Variants in SPECC1 observed in about 807,000 individuals in gnomAD.
SPECC1 encodes sperm antigen with calponin homology and coiled-coil domains 1.
A neutral mutation model predicts 104.1 loss-of-function variants in SPECC1; 62 were observed. That is an observed-to-expected ratio of 0.60 (90% CI 0.49 to 0.74). The LOEUF is 0.74. Among genes scored for constraint, SPECC1 ranks in the 30% least tolerant of loss-of-function variants. SPECC1 has a pLI of 0.00. For missense variants in SPECC1, 1,306 were observed against 1,310.5 expected (o/e 1.00, Z 0.05); for synonymous variants, 513 against 501.6 (o/e 1.02, Z -0.30).
At chr17:20,096,476 A>G (rs1256012859) in intron 1 of SPECC1, among the ~76,000 whole-genome samples, 155 bp from the exon 2 acceptor site, 1 of 152,148 alleles carries the variant, frequency 6.6e-6, no homozygotes, top group Non-Finnish European at 1.5e-5. Flanking sequence ...AAGCCTATAA[A>G]CCCATCTTAG....
chr17:20,090,940 C>T (rs944168363), intron 1 of SPECC1, among the ~76,000 whole-genome samples: 3 of 152,130 alleles, frequency 2.0e-5, no homozygotes, highest in Admixed American at 6.5e-5. Context: ...TATGGGTCTC[C>T]AGATTACACC....
At chr17:20,200,232 C>T (rs1597954358) in intron 3 of SPECC1, among the ~76,000 whole-genome samples, 1 of 152,336 alleles carries the variant, frequency 6.6e-6, no homozygotes, top group East Asian at 1.9e-4. Flanking sequence ...GCTTAATACT[C>T]AGCTGTTCTC....
chr17:20,141,828 T>A (rs1045463861), intron 3 of SPECC1, among the ~76,000 whole-genome samples: 2 of 152,248 alleles, frequency 1.3e-5, no homozygotes, highest in African/African-American at 4.8e-5. Flanking sequence ...ATGTGTGTGC[T>A]ATTTGCCTAA....
rs1361768715 is a variant in SPECC1, at chr17:20,009,636, G to T, written c.-22+212G>T. Among the ~76,000 whole-genome samples the T allele has an allele frequency of 6.6e-6, 1 of 152,124 alleles. No individual in the cohort carries two copies. Among genetic ancestry groups the T allele is most frequent in the Non-Finnish European group, 1.5e-5 (1 of 67,986 alleles). Reference sequence around the variant, plus strand: ...GTCCCCAGCCCAGGAGGGACGTCCTGGCCTGTCCTGCCCGGCCCGGAGCGG... The same window carrying T: ...GTCCCCAGCCCAGGAGGGACGTCCTTGCCTGTCCTGCCCGGCCCGGAGCGG... On this transcript the variant is annotated intron_variant, in intron 1 of 14. Transcript: ENST00000395527. This position sits in a 1 kb window ranked among gnomAD's most constrained non-coding sequence, Gnocchi z 5.2.
intron 7 of SPECC1, chr17:20,237,339 A>C: frequency 1.0e-6 from 1 of 1,002,174 alleles, no homozygotes; most frequent in Non-Finnish European, 1.2e-6. Flanking sequence ...TTTGAGACAG[A>C]GTTTCACTCT....
At chr17:20,202,274 C>T (rs2036482893) in intron 3 of SPECC1, among the ~76,000 whole-genome samples, 2 of 152,148 alleles carry the variant, frequency 1.3e-5, no homozygotes, top group Non-Finnish European at 2.9e-5. Flanking sequence ...TGCTAATCAT[C>T]TCTGTGGGAG....
intron 14 of SPECC1, chr17:20,306,321 AATT>A (rs1291781388): frequency 2.1e-6 from 1 of 483,660 alleles, no homozygotes; most frequent in African/African-American, 2.0e-5. Context: ...CAGTGGACTG[AATT>A]ATTATTAGAG....
Position 20,039,451 on chromosome 17 carries a change from T to C in SPECC1, c.-22+30027T>C, listed in dbSNP as rs569047930. 4.5e-3 allele frequency among the ~76,000 whole-genome samples: 689 copies of C among 152,340 alleles called. 5 individuals are homozygous for C. The highest frequency in any genetic ancestry group is 0.016 in the African/African-American group (662 of 41,586). On this transcript the variant is annotated intron_variant, in intron 1 of 14. Transcript: ENST00000395527. ...TTGAAATTTTCTTTTCTCTGAAGTC[T>C]ATTTTATGTTATTAATATAGCCACT... is the stretch of plus-strand genomic sequence containing the variant.
intron 3 of SPECC1, among the ~76,000 whole-genome samples, chr17:20,198,078 GC>G (rs2036155584): frequency 6.6e-6 from 1 of 152,146 alleles, no homozygotes; most frequent in South Asian, 2.1e-4. Flanking sequence ...CAGCACCATT[GC>G]CCTGGGGGCC....
chr17:20,026,646 TTGAG>T (rs1191924964), intron 1 of SPECC1, among the ~76,000 whole-genome samples: 2 of 152,222 alleles, frequency 1.3e-5, no homozygotes, highest in African/African-American at 2.4e-5. Flanking sequence ...TAGTATTCTA[TTGAG>T]TGTATATGCC....
In SPECC1 at chr17:20,227,624, A is replaced by G. The variant is rs1298408353; in HGVS notation, c.2071+4A>G. On this transcript the variant is annotated splice_donor_region_variant and intron_variant, in intron 5 of 14. Transcript: ENST00000395527. ...CAACTCATCAGTGAGCTAGAAAGTA[A>G]GTGGGGTCTGCCAGGCATGGTGGCT... 6.2e-7 allele frequency: 1 copy of G among 1,611,024 alleles called. No individual in the cohort carries two copies. The highest frequency in any genetic ancestry group is 8.5e-7 in the Non-Finnish European group (1 of 1,179,200).
At chr17:20,220,615 A>T (rs2703770) in intron 4 of SPECC1, among the ~76,000 whole-genome samples, 1 of 143,922 alleles carries the variant, frequency 6.9e-6, no homozygotes, top group East Asian at 2.0e-4. Flanking sequence ...AAGTCATATC[A>T]TCTGCAAACC....
chr17:20,155,558 G>A (rs538742429), intron 3 of SPECC1: 5 of 152,366 alleles, frequency 3.3e-5, no homozygotes, highest in African/African-American at 4.8e-5. Context: ...GGGTGAGTAC[G>A]TCTTTGTTAG....
intron 1 of SPECC1, among the ~76,000 whole-genome samples, chr17:20,020,054 G>A (rs2044312699): frequency 6.6e-6 from 1 of 152,290 alleles, no homozygotes; most frequent in African/African-American, 2.4e-5. Flanking sequence ...ACCACTAGAA[G>A]GAAGTAAGAA....
chr17:20,106,085 C>T (rs1039007242), intron 2 of SPECC1, among the ~76,000 whole-genome samples: 28 of 152,288 alleles, frequency 1.8e-4, no homozygotes, highest in Non-Finnish European at 2.9e-4. Context: ...CAGAATCCAC[C>T]GTGTATGGCT....
chr17:20,243,844 A>G (rs921041286), intron 7 of SPECC1, among the ~76,000 whole-genome samples: 1 of 152,222 alleles, frequency 6.6e-6, no homozygotes, highest in Non-Finnish European at 1.5e-5. Context: ...TTATTAAATT[A>G]TCAAAGAATG....
At chr17:20,087,972 A>T (rs76994917) in intron 1 of SPECC1, among the ~76,000 whole-genome samples, 13 of 152,020 alleles carry the variant, frequency 8.6e-5, no homozygotes, top group Non-Finnish European at 1.9e-4. Context: ...AGCTGGGGGG[A>T]CATTCTGGAC....
At chr17:20,307,214 A>G (rs943925654) in intron 14 of SPECC1, among the ~76,000 whole-genome samples, 24 of 152,260 alleles carry the variant, frequency 1.6e-4, no homozygotes, top group African/African-American at 5.8e-4. Flanking sequence ...TTCAGCTTCA[A>G]GAAATGGAAA....
At chr17:20,167,152 ATAATT>A (rs1453654505) in intron 3 of SPECC1, among the ~76,000 whole-genome samples, 1 of 147,884 alleles carries the variant, frequency 6.8e-6, no homozygotes, top group Non-Finnish European at 1.5e-5. Context: ...TATATTATAT[ATAATT>A]TATATTATAT....
Sources: allele counts gnomAD v4.1 joint callset (sites outside exome capture counted in the v4.1 genomes callset), GRCh38; gene constraint gnomAD v4.1.1; non-coding constraint Gnocchi (gnomAD v3.1); transcripts MANE v1.5; gene names NCBI Gene and HGNC (gene_info 2026-07-23, HGNC 2026-07-21).